The following RFC1 variants were observed in gnomAD, a reference collection of about 807,000 sequenced individuals.
RFC1 encodes the protein A1 140 kDa subunit.
In RFC1, 37 loss-of-function variants were observed where a neutral mutation model predicts 137.4. The observed-to-expected ratio is 0.27, with a 90% CI of 0.21 to 0.35. The LOEUF (loss-of-function observed/expected upper bound fraction) is 0.35, where lower values mean the gene tolerates loss of function less well. Among genes scored for constraint, RFC1 ranks in the 10% least tolerant of loss-of-function variants. The pLI, the probability that RFC1 is intolerant of heterozygous loss-of-function variation, is 1.00. For missense variants in RFC1, 1,205 were observed against 1,358.5 expected (o/e 0.89, Z 1.78); for synonymous variants, 429 against 455.7 (o/e 0.94, Z 0.75).
At chr4:39,324,191 A>G (rs575248904) in intron 6 of RFC1, among the ~76,000 whole-genome samples, 2 of 152,338 alleles carry the variant, frequency 1.3e-5, no homozygotes, top group East Asian at 3.9e-4. Context: ...CAAACAAAGA[A>G]AAGGACTTCA....
Position 39,340,638 on chromosome 4 carries a change from T to C in RFC1, c.331+1707A>G, listed in dbSNP as rs575798412. On this transcript the variant is annotated intron_variant, in intron 4 of 24. Transcript: ENST00000349703. ...GCTGCACTTTTCTTTTTTGAAACTC[T>C]TACATTTGTGATTTTATTATGCCAA... is the stretch of plus-strand genomic sequence containing the variant. Among the ~76,000 whole-genome samples, 4 of 152,314 alleles carry C rather than the reference T, an allele frequency of 2.6e-5. No homozygotes were observed. In the South Asian group the frequency reaches 6.2e-4, roughly 24 times the overall value.
chr4:39,291,774 T>C lies in RFC1; in HGVS notation c.3033A>G (p.Ser1011=). The change falls in exon 23 of 25, where the codon TCA becomes TCG. Residue 1011 remains serine (S), a synonymous_variant. Coordinates refer to ENST00000349703, the MANE Select transcript of RFC1 (RefSeq NM_002913.5). ...LRDALVQPLT[S]QGVDGVQDVV... is the part of the protein sequence containing the mutation. The stretch of plus-strand genomic sequence containing the variant: ...CATCCTGTACTCCGTCTACTCCTTG[T>C]GAGGTCAAGGGCTGTACAAGTGCAT... 1.2e-6 allele frequency: 2 copies of C among 1,613,736 alleles called. No individual in the cohort carries two copies. Among genetic ancestry groups the C allele is most frequent in the Non-Finnish European group, 1.7e-6 (2 of 1,179,642 alleles).
intron 10 of RFC1, 57 bp downstream of exon 10, chr4:39,316,858 C>A (rs1198911542): frequency 3.0e-6 from 3 of 1,010,932 alleles, no homozygotes; most frequent in Non-Finnish European, 4.7e-6. Context: ...TGAATACATA[C>A]ATGGACCCAT....
At chr4:39,366,152 A>C (rs2109793510) in intron 1 of RFC1, 87 bp downstream of exon 1, 1 of 1,400,376 alleles carries the variant, frequency 7.1e-7, no homozygotes, top group African/African-American at 1.5e-5. Context: ...ATCCTCCCCC[A>C]CCCTGCATAC....
rs1034939712 is a variant in RFC1 at position 39,349,131 on chromosome 4, T to C, written c.132+2217A>G. Among the ~76,000 whole-genome samples the C allele has an allele frequency of 1.3e-4, 20 of 152,214 alleles. 1 individual carries two copies. Among genetic ancestry groups the C allele is most frequent in the Admixed American group, 1.0e-3 (16 of 15,278 alleles). ...TCACCCATATCTGATTTGGATGATA[T>C]TGACATGAGACTGTGGACTTCAGAC... On this transcript the variant is annotated intron_variant, in intron 2 of 24. Transcript: ENST00000349703.
chr4:39,317,697 G>A (rs1430843369), intron 9 of RFC1, among the ~76,000 whole-genome samples: 1 of 152,074 alleles, frequency 6.6e-6, no homozygotes, highest in African/African-American at 2.4e-5. Context: ...GGAGATATGG[G>A]GTATGGCTAG....
Position 39,288,716 on chromosome 4 carries a change from T to C in RFC1, c.*45A>G. 8.0e-7 allele frequency: 1 copy of C among 1,244,290 alleles called. No homozygotes were observed. Among genetic ancestry groups the C allele is most frequent in the Non-Finnish European group, 1.2e-6 (1 of 846,428 alleles). 77.1% of individuals were successfully genotyped at this position (1,244,290 alleles called of 1,614,324 possible). On this transcript the variant is annotated 3_prime_UTR_variant, in exon 25 of 25. Transcript: ENST00000349703. ...GCTTTCTCTAGACCAGCTGGACTGGTCAGGAGGGAGAGTAAAAAGTGGCTG... is the reference window on the plus strand; with the variant it reads ...GCTTTCTCTAGACCAGCTGGACTGGCCAGGAGGGAGAGTAAAAAGTGGCTG...
chr4:39,306,549 A>T, intron 14 of RFC1, 43 bp downstream of exon 14: 1 of 1,050,106 alleles, frequency 9.5e-7, no homozygotes, highest in Non-Finnish European at 1.5e-6. Context: ...AGCCATGACC[A>T]CTCGAGGTTA....
In RFC1 at chr4:39,301,111, C is replaced by A. The variant is rs796517376; in HGVS notation, c.2536-697G>T. 9.7e-3 allele frequency among the ~76,000 whole-genome samples: 1,445 copies of A among 149,288 alleles called. 22 individuals are homozygous for A. Among genetic ancestry groups the A allele is most frequent in the African/African-American group, 0.034 (1,347 of 40,120 alleles). On this transcript the variant is annotated intron_variant, in intron 19 of 24. Transcript: ENST00000349703. Reference sequence around the variant, plus strand: ...CCGAAAAAAAAAAAACCAAAAAAAACAAAAACAAAAACAAAAAAGTTATGG... The same window carrying A: ...CCGAAAAAAAAAAAACCAAAAAAAAAAAAAACAAAAACAAAAAAGTTATGG...
At chr4:39,341,728 T>C in intron 4 of RFC1, 2 of 454,922 alleles carry the variant, frequency 4.4e-6, no homozygotes, top group South Asian at 1.6e-5. Context: ...GTTTTTCTCC[T>C]AGGATGACAA....
At position 39,351,475 on chromosome 4, in the gene RFC1, T is replaced by A; in HGVS notation, c.5A>T (p.Asp2Val). The A allele has an allele frequency of 6.5e-7, 1 of 1,543,790 alleles. No homozygotes were observed. The change falls in exon 2 of 25, where the codon GAC becomes GTC. Residue 2 changes from aspartate (D) to valine (V), a missense_variant and splice_region_variant. Asp to Val is a radical substitution (Grantham distance 152, BLOSUM62 -3). This residue lies in a region of RFC1 where 962 missense variants were observed against 1,035.3 expected (regional missense o/e 0.93). Coordinates refer to ENST00000349703, the MANE Select transcript of RFC1 (RefSeq NM_002913.5). ...TATTACTCCAAAGAATTTCCGAATGTCCTAAAAGCAAAAAACAGGAGATTC... is the reference window on the plus strand; with the variant it reads ...TATTACTCCAAAGAATTTCCGAATGACCTAAAAGCAAAAAACAGGAGATTC... M[D>V]IRKFFGVIPS...
chr4:39,345,176 A>G (rs1262027671), intron 3 of RFC1, among the ~76,000 whole-genome samples: 1 of 151,954 alleles, frequency 6.6e-6, no homozygotes, highest in Admixed American at 6.6e-5. Flanking sequence ...CACCACGCCC[A>G]GCTAATTTTT....
chr4:39,311,276 G>T (rs780247077), intron 12 of RFC1, among the ~76,000 whole-genome samples, 169 bp downstream of exon 12: 1 of 152,114 alleles, frequency 6.6e-6, no homozygotes, highest in South Asian at 2.1e-4. Context: ...CAACAAAGTA[G>T]ACATCTTGAA....
chr4:39,309,901 G>A (rs941350173), intron 12 of RFC1, among the ~76,000 whole-genome samples: 1 of 152,160 alleles, frequency 6.6e-6, no homozygotes, highest in African/African-American at 2.4e-5. Flanking sequence ...AGGACAAACA[G>A]GATATAAGCA....
At chr4:39,336,638 C>T (rs1740367479) in intron 4 of RFC1, among the ~76,000 whole-genome samples, 1 of 152,254 alleles carries the variant, frequency 6.6e-6, no homozygotes, top group Admixed American at 6.5e-5. Context: ...TAGTGGCATG[C>T]CTGGCCTCTG....
rs112066531 is a variant in RFC1, at chr4:39,351,229, C to T, written c.132+119G>A. The T allele has an allele frequency of 1.8e-3, 1,058 of 581,686 alleles. 13 individuals carry two copies. The African/African-American group carries it at 0.024, about 13-fold the overall frequency. 36.0% of individuals were successfully genotyped at this position (581,686 alleles called of 1,614,324 possible). A position where few individuals can be genotyped will look rare whatever the true frequency, so the allele number is the denominator to read the frequency against. ...TTGCACCACTGCACTACAGCCTGGG[C>T]GACAGAGCAAGACTCTGTCTCAGGA... is the stretch of plus-strand genomic sequence containing the variant. On this transcript the variant is annotated intron_variant, in intron 2 of 24. Coordinates refer to ENST00000349703, the MANE Select transcript of RFC1 (RefSeq NM_002913.5).
intron 6 of RFC1, among the ~76,000 whole-genome samples, chr4:39,325,750 G>A (rs967618097): frequency 1.3e-5 from 2 of 152,082 alleles, no homozygotes; most frequent in Non-Finnish European, 2.9e-5. Flanking sequence ...ATGTTTCAAG[G>A]CACATTCAGA....
Position 39,366,197 on chromosome 4 carries a change from C to T in RFC1, c.3+42G>A, listed in dbSNP as rs145674081. The T allele has an allele frequency of 6.9e-4, 1,063 of 1,549,330 alleles. 12 individuals are homozygous for T. In the African/African-American group the frequency reaches 0.013, roughly 19 times the overall value. ...CCGGTCCACACCAGGCCTGCAAAGC[C>T]CCCCCAGACCCCGAGCCGCACGGCC... On this transcript the variant is annotated intron_variant, in intron 1 of 24. Coordinates refer to ENST00000349703, the MANE Select transcript of RFC1 (RefSeq NM_002913.5).
chr4:39,344,816 A>G (rs942283219), intron 3 of RFC1, among the ~76,000 whole-genome samples: 1 of 152,130 alleles, frequency 6.6e-6, no homozygotes, highest in African/African-American at 2.4e-5. Context: ...AAAAACACAT[A>G]TATCACATTC....
Sources: gnomAD v4.1 joint callset for allele counts (sites outside exome capture counted in the v4.1 genomes callset) on GRCh38, gnomAD v4.1.1 for gene constraint, gnomAD v4.1.1 regional missense constraint, MANE v1.5 for transcripts, NCBI Gene and HGNC (gene_info 2026-07-23, HGNC 2026-07-21) for gene names.